The following PCDH15 variants were observed in gnomAD, a reference collection of about 807,000 sequenced individuals.
PCDH15 encodes protocadherin related 15.
A neutral mutation model predicts 178.5 loss-of-function variants in PCDH15; 129 were observed. That is an observed-to-expected ratio of 0.72 (90% CI 0.63 to 0.84). The LOEUF (loss-of-function observed/expected upper bound fraction) is 0.84. Ranked by LOEUF, PCDH15 falls within the 40% of genes least tolerant of loss-of-function variation. The probability of loss-of-function intolerance (pLI) is 0.00; values close to 1 mark genes in which losing one functional copy is unlikely to be tolerated. For synonymous variants in PCDH15, 800 were observed against 732.0 expected, an observed-to-expected ratio of 1.09 and a Z score of -1.50; for missense variants, 2,230 against 2,099.9, an observed-to-expected ratio of 1.06 and a Z score of -1.21.
At chr10:55,370,047 C>T (rs1202231667) in intron 2 of PCDH15, among the ~76,000 whole-genome samples, 1 of 151,900 alleles carries the variant, frequency 6.6e-6, no homozygotes. Context: ...AAATGTTTAG[C>T]ATTTTTAAAA....
intron 15 of PCDH15, among the ~76,000 whole-genome samples, chr10:54,109,137 A>G (rs1020365727): frequency 3.9e-5 from 6 of 152,122 alleles, no homozygotes; most frequent in Non-Finnish European, 8.8e-5. Context: ...CTGTTCGTAT[A>G]AATGTAAATC....
chr10:54,736,882 T>A (rs1336666877), intron 1 of PCDH15, among the ~76,000 whole-genome samples: 2 of 152,076 alleles, frequency 1.3e-5, no homozygotes, highest in Non-Finnish European at 2.9e-5. Context: ...TGGTCACTGA[T>A]GGCATCAGGT....
At chr10:54,995,391 CAA>C (rs10631856) in intron 2 of PCDH15, among the ~76,000 whole-genome samples, 3,558 of 125,720 alleles carry the variant, frequency 0.028, 57 homozygotes, top group South Asian at 0.071. Flanking sequence ...GACTCCGTCT[CAA>C]AAAAAAAAAA....
At chr10:54,737,532 A>C (rs1944275847) in intron 1 of PCDH15, among the ~76,000 whole-genome samples, 1 of 152,092 alleles carries the variant, frequency 6.6e-6, no homozygotes, top group South Asian at 2.1e-4. Flanking sequence ...GTTAACTACT[A>C]GTGTAAGTAC....
intron 2 of PCDH15, among the ~76,000 whole-genome samples, chr10:55,603,476 G>A (rs542094403): frequency 1.3e-5 from 2 of 152,050 alleles, no homozygotes; most frequent in East Asian, 1.9e-4. Context: ...AGGAAAAAAT[G>A]TTAAGGGCAG....
At chr10:53,984,377 C>T (rs979267075) in intron 21 of PCDH15, among the ~76,000 whole-genome samples, 1 of 151,962 alleles carries the variant, frequency 6.6e-6, no homozygotes, top group Non-Finnish European at 1.5e-5. Flanking sequence ...GTCTCGATCT[C>T]CTGACCTTGT....
intron 3 of PCDH15, among the ~76,000 whole-genome samples, chr10:54,421,859 ATATACACACAC>A (rs1277258903): frequency 3.3e-4 from 29 of 88,062 alleles, no homozygotes; most frequent in African/African-American, 1.1e-3. Context: ...ATATATATAT[ATATACACACAC>A]TATATATATA....
At chr10:55,396,902 G>GA (rs1837943617) in intron 2 of PCDH15, among the ~76,000 whole-genome samples, 1 of 152,084 alleles carries the variant, frequency 6.6e-6, no homozygotes, top group Non-Finnish European at 1.5e-5. Context: ...TCCTAAAGGG[G>GA]AAAAAAGCCT....
At chr10:54,330,909 G>A (rs1462247647) in intron 6 of PCDH15, among the ~76,000 whole-genome samples, 1 of 151,746 alleles carries the variant, frequency 6.6e-6, no homozygotes, top group Admixed American at 6.6e-5. Flanking sequence ...GTGTATTTGT[G>A]CTTGTGATTT....
chr10:55,275,884 T>C (rs917555350), intron 1 of PCDH15, among the ~76,000 whole-genome samples: 1 of 151,732 alleles, frequency 6.6e-6, no homozygotes, highest in African/African-American at 2.4e-5. Context: ...TTATTCTTTA[T>C]TTCTACCCAA....
intron 23 of PCDH15, among the ~76,000 whole-genome samples, chr10:53,943,818 G>A (rs2086289646): frequency 6.6e-6 from 1 of 151,790 alleles, no homozygotes; most frequent in South Asian, 2.1e-4. Context: ...CTCCCAAAAA[G>A]AATTAAATGA....
At chr10:55,605,218 G>T (rs1279501186) in intron 2 of PCDH15, among the ~76,000 whole-genome samples, 4 of 151,850 alleles carry the variant, frequency 2.6e-5, no homozygotes, top group African/African-American at 7.2e-5. Context: ...TCTCTGAATA[G>T]ACCAATAACA....
intron 2 of PCDH15, among the ~76,000 whole-genome samples, chr10:55,391,759 T>C (rs1458537038): frequency 6.6e-6 from 1 of 152,154 alleles, no homozygotes; most frequent in African/African-American, 2.4e-5. Flanking sequence ...GTGCTGGGAT[T>C]ACAAGCATGA....
chr10:54,153,321 C>A, intron 13 of PCDH15, 28 bp from the exon 14 acceptor site: 1 of 1,612,286 alleles, frequency 6.2e-7, no homozygotes, highest in Non-Finnish European at 8.5e-7. Flanking sequence ...AACATAAATC[C>A]TCTTGGGTCT....
At chr10:53,836,130 G>T (rs1444471242) in intron 29 of PCDH15, among the ~76,000 whole-genome samples, 1 of 152,096 alleles carries the variant, frequency 6.6e-6, no homozygotes, top group Non-Finnish European at 1.5e-5. Flanking sequence ...GGAGCAGGAA[G>T]TCCTCTCAGG....
intron 3 of PCDH15, among the ~76,000 whole-genome samples, chr10:54,421,277 T>C (rs535616587): frequency 5.3e-5 from 8 of 151,926 alleles, no homozygotes; most frequent in Admixed American, 2.6e-4. Context: ...GATGAGAGTA[T>C]ATGAAATACA....
chr10:55,350,215 C>T (rs1389915081), intron 2 of PCDH15, among the ~76,000 whole-genome samples: 4 of 109,916 alleles, frequency 3.6e-5, no homozygotes, highest in Admixed American at 1.0e-4. Flanking sequence ...TGAATATATA[C>T]CATATATAAA....
At chr10:54,940,934 A>C (rs191572364) in intron 2 of PCDH15, among the ~76,000 whole-genome samples, 1 of 152,226 alleles carries the variant, frequency 6.6e-6, no homozygotes, top group Admixed American at 6.5e-5. Flanking sequence ...CCTATAGACA[A>C]TATAAAGTAG....
At chr10:55,200,978 C>T (rs1840230479) in intron 1 of PCDH15, among the ~76,000 whole-genome samples, 1 of 152,036 alleles carries the variant, frequency 6.6e-6, no homozygotes, top group Admixed American at 6.5e-5. Flanking sequence ...CAAGTAATTC[C>T]TTATAGCAAC....
Sources: gnomAD v4.1 joint callset for allele counts (sites outside exome capture counted in the v4.1 genomes callset) on GRCh38, gnomAD v4.1.1 for gene constraint, MANE v1.5 for transcripts, NCBI Gene and HGNC (gene_info 2026-07-23, HGNC 2026-07-21) for gene names.